VWA3B: variants seen among roughly 807,000 people sequenced by gnomAD.
VWA3B encodes the protein von Willebrand factor A domain-containing protein 3B.
A neutral mutation model predicts 158.3 loss-of-function variants in VWA3B; 138 were observed. The observed-to-expected ratio is 0.87, with a 90% CI of 0.76 to 1.00. The LOEUF (loss-of-function observed/expected upper bound fraction) is 1.00, where lower values mean the gene tolerates loss of function less well. Ranked by LOEUF, VWA3B falls within the 50% of genes least tolerant of loss-of-function variation. The pLI, the probability that VWA3B is intolerant of heterozygous loss-of-function variation, is 0.00. For synonymous variants in VWA3B, 596 were observed against 587.3 expected (o/e 1.01, Z -0.21); for missense variants, 1,555 against 1,565.1 (o/e 0.99, Z 0.11).
chr2:98,248,875 CTTTCTTTCTCTCTTTCCTTT>C (rs1686602357), intron 19 of VWA3B, among the ~76,000 whole-genome samples: 1 of 46,270 alleles, frequency 2.2e-5, no homozygotes, highest in South Asian at 9.0e-4. Context: ...TTCTTTCTTT[CTTTCTTTCTCTCTTTCCTTT>C]CTTTCTTCTT....
chr2:98,194,778 C>G (rs1271888192), intron 12 of VWA3B, among the ~76,000 whole-genome samples: 2 of 152,108 alleles, frequency 1.3e-5, no homozygotes, highest in Non-Finnish European at 2.9e-5. Flanking sequence ...CATTTCAAAA[C>G]AGAGTTTTTT....
chr2:98,166,829 A>ACACACACACACACACACACAC (rs1679120149), intron 8 of VWA3B, among the ~76,000 whole-genome samples: 1 of 43,756 alleles, frequency 2.3e-5, no homozygotes, highest in Non-Finnish European at 4.2e-5. Context: ...CACACACTCA[A>ACACACACACACACACACACAC]ACTAAAACCC....
chr2:98,106,630 A>G (rs1673684466), intron 2 of VWA3B, among the ~76,000 whole-genome samples: 1 of 152,016 alleles, frequency 6.6e-6, no homozygotes, highest in African/African-American at 2.4e-5. Context: ...ATACCTAAGT[A>G]TTTTATTTTT....
At chr2:98,131,526 G>T (rs1337156723) in intron 6 of VWA3B, among the ~76,000 whole-genome samples, 1 of 152,182 alleles carries the variant, frequency 6.6e-6, no homozygotes, top group Non-Finnish European at 1.5e-5. Context: ...AATCTCCATA[G>T]TCTTTCCTAT....
At position 98,171,300 on chromosome 2, in the gene VWA3B, T is replaced by C. The variant is rs868320365; in HGVS notation, c.1114+8324T>C. ...ATGAACACAAATGGGGTATTTACGATTGAGGAAAAGTGGGAGCTTCTGAGC... is the reference window on the plus strand; with the variant it reads ...ATGAACACAAATGGGGTATTTACGACTGAGGAAAAGTGGGAGCTTCTGAGC... On this transcript the variant is annotated intron_variant, in intron 8 of 27. Coordinates refer to ENST00000477737, the MANE Select transcript of VWA3B (RefSeq NM_144992.5). Among the ~76,000 whole-genome samples the C allele has an allele frequency of 4.6e-4, 70 of 152,074 alleles. No individual in the cohort carries two copies. In the Middle Eastern group the frequency reaches 0.014, roughly 30 times the overall value.
At chr2:98,256,564 A>C (rs1687156516) in intron 21 of VWA3B, among the ~76,000 whole-genome samples, 1 of 152,182 alleles carries the variant, frequency 6.6e-6, no homozygotes. Flanking sequence ...GTATATATAC[A>C]CCACGTTTGT....
chr2:98,203,807 G>A (rs534359886), intron 12 of VWA3B, among the ~76,000 whole-genome samples: 147 of 152,226 alleles, frequency 9.7e-4, no homozygotes, highest in African/African-American at 3.1e-3. Context: ...GTACTATTTC[G>A]CTTTTTGTTT....
intron 17 of VWA3B, among the ~76,000 whole-genome samples, chr2:98,235,774 G>A (rs1202021411): frequency 6.6e-6 from 1 of 152,112 alleles, no homozygotes; most frequent in Non-Finnish European, 1.5e-5. Flanking sequence ...ATTCCTTAAA[G>A]GGCTTATCAA....
intron 2 of VWA3B, 46 bp from the exon 3 acceptor site, chr2:98,115,606 C>A: frequency 7.0e-7 from 1 of 1,425,540 alleles, no homozygotes; most frequent in Non-Finnish European, 9.9e-7. Flanking sequence ...TAGGAAGGTT[C>A]ACTCATGTAC....
chr2:98,117,675 C>G (rs1014366415), intron 3 of VWA3B, among the ~76,000 whole-genome samples: 4 of 152,034 alleles, frequency 2.6e-5, no homozygotes, highest in Non-Finnish European at 5.9e-5. Context: ...GAGAAACCTC[C>G]ATGATGGGGG....
the VWA3B span, among the ~76,000 whole-genome samples, chr2:98,326,537 G>A: frequency 6.6e-6 from 1 of 152,098 alleles, no homozygotes; most frequent in Non-Finnish European, 1.5e-5. Context: ...GAGGCAGGAG[G>A]ATTGCTTGAA....
At chr2:98,214,667 A>G (rs1290021679) in intron 13 of VWA3B, among the ~76,000 whole-genome samples, 2 of 152,196 alleles carry the variant, frequency 1.3e-5, no homozygotes, top group African/African-American at 4.8e-5. Context: ...CAAACAGTAT[A>G]CCTTGGAGAT....
At chr2:98,296,267 G>A (rs1406717964) in intron 23 of VWA3B, among the ~76,000 whole-genome samples, 2 of 152,242 alleles carry the variant, frequency 1.3e-5, no homozygotes, top group Non-Finnish European at 2.9e-5. Context: ...GGGGCCGTGG[G>A]AGGGACGTGG....
chr2:98,185,712 G>A lies in VWA3B; in HGVS notation c.1312-2263G>A, dbSNP rs146379731. Among the ~76,000 whole-genome samples, 223 of 152,254 alleles carry A rather than the reference G, an allele frequency of 1.5e-3. 1 individual carries two copies. The highest frequency in any genetic ancestry group is 4.4e-3 in the African/African-American group (184 of 41,520). On this transcript the variant is annotated intron_variant, in intron 9 of 27. Transcript: ENST00000477737. ...CATCTACCTTTATTTCTCCCAGGCCGAATTGTCCTTGTCCTGTCTAAGGCC... is the reference window on the plus strand; with the variant it reads ...CATCTACCTTTATTTCTCCCAGGCCAAATTGTCCTTGTCCTGTCTAAGGCC...
rs527789780 is a variant in VWA3B at position 98,116,120 on chromosome 2, A to G, written c.291+374A>G. Among the ~76,000 whole-genome samples the G allele has an allele frequency of 5.6e-4, 85 of 152,318 alleles. 1 individual carries two copies. Among genetic ancestry groups the G allele is most frequent in the Admixed American group, 8.5e-4 (13 of 15,300 alleles). Reference sequence around the variant, plus strand: ...GGCAGCATTTGCAGATAGGAGAATGAGCACCACCTCTGACCAGAGGCCTTT... The same window carrying G: ...GGCAGCATTTGCAGATAGGAGAATGGGCACCACCTCTGACCAGAGGCCTTT... On this transcript the variant is annotated intron_variant, in intron 3 of 27. Coordinates refer to ENST00000477737, the MANE Select transcript of VWA3B (RefSeq NM_144992.5).
At chr2:98,179,671 T>A (rs1010505031) in intron 8 of VWA3B, among the ~76,000 whole-genome samples, 1 of 152,052 alleles carries the variant, frequency 6.6e-6, no homozygotes, top group African/African-American at 2.4e-5. Context: ...TTTCTCTTTC[T>A]TTTCTTTCTT....
chr2:98,148,071 G>T (rs897394723), intron 7 of VWA3B, among the ~76,000 whole-genome samples: 1 of 152,044 alleles, frequency 6.6e-6, no homozygotes, highest in African/African-American at 2.4e-5. Flanking sequence ...AGTATTCCAT[G>T]GTGTATATGT....
At chr2:98,179,826 CTTTTTCTTTCTTTCTT>C (rs1680372712) in intron 8 of VWA3B, among the ~76,000 whole-genome samples, 1 of 85,298 alleles carries the variant, frequency 1.2e-5, no homozygotes, top group Admixed American at 1.5e-4. Flanking sequence ...TTCTTTCTTT[CTTTTTCTTTCTTTCTT>C]TCTCTCTTTT....
Position 98,181,209 on chromosome 2 carries a change from T to C in VWA3B, c.1308T>C (p.Ser436=), listed in dbSNP as rs1558644277. 2 of 1,613,344 alleles carry C rather than the reference T, an allele frequency of 1.2e-6. No homozygotes were observed. ...AKPENESVQT[S]AETNKKTVHA... ...CGGAGAATGAGTCCGTGCAGACCAG[T>C]GCGGTAGGTGAAGTGCACTCCTGGG... Residue 436 remains serine, a synonymous_variant, in exon 9 of 28, where the codon AGT becomes AGC. Coordinates refer to ENST00000477737, the MANE Select transcript of VWA3B (RefSeq NM_144992.5).
Sources: gnomAD v4.1 joint callset for allele counts (sites outside exome capture counted in the v4.1 genomes callset) on GRCh38, gnomAD v4.1.1 for gene constraint, MANE v1.5 for transcripts, NCBI Gene and HGNC (gene_info 2026-07-23, HGNC 2026-07-21) for gene names.